CNTNAP2: variants seen among roughly 807,000 people sequenced by gnomAD.
CNTNAP2 encodes contactin-associated protein-like 2.
CNTNAP2 carries 98 observed loss-of-function variants against 155.2 expected under a neutral mutation model. The ratio of observed to expected loss-of-function variants is 0.63; its 90% CI spans 0.54 to 0.75. The LOEUF (loss-of-function observed/expected upper bound fraction) is 0.75, where lower values mean the gene tolerates loss of function less well. CNTNAP2 is among the 30% of genes least tolerant of loss of function. CNTNAP2 has a pLI of 0.00. For missense variants in CNTNAP2, 1,727 were observed against 1,688.1 expected (o/e 1.02, Z -0.40); for synonymous variants, 651 against 631.2 (o/e 1.03, Z -0.47).
At chr7:146,917,124 G>T (rs1796409557) in intron 3 of CNTNAP2, among the ~76,000 whole-genome samples, 1 of 152,078 alleles carries the variant, frequency 6.6e-6, no homozygotes, top group Non-Finnish European at 1.5e-5. Context: ...TACTTGCATG[G>T]TTTTGAGAGT....
intron 15 of CNTNAP2, among the ~76,000 whole-genome samples, chr7:148,067,558 A>T (rs193255794): frequency 6.6e-6 from 1 of 152,154 alleles, no homozygotes; most frequent in African/African-American, 2.4e-5. Flanking sequence ...TGTTTAGTGC[A>T]TGGGTTTTCT....
At chr7:146,960,151 T>C (rs983297984) in intron 3 of CNTNAP2, among the ~76,000 whole-genome samples, 7 of 152,162 alleles carry the variant, frequency 4.6e-5, no homozygotes, top group Non-Finnish European at 1.0e-4. Flanking sequence ...TTCTCCTAAC[T>C]TATGCCATCC....
intron 1 of CNTNAP2, among the ~76,000 whole-genome samples, chr7:146,532,984 C>T (rs1797791911): frequency 1.3e-5 from 2 of 151,294 alleles, no homozygotes; most frequent in Non-Finnish European, 3.0e-5. Flanking sequence ...TGCCTGTAAT[C>T]CCAGCTACTC....
intron 13 of CNTNAP2, among the ~76,000 whole-genome samples, chr7:147,709,208 A>G (rs1267689127): frequency 2.0e-5 from 3 of 152,162 alleles, no homozygotes; most frequent in African/African-American, 4.8e-5. Context: ...GGTCATCAAC[A>G]TCCCCTACAG....
intron 11 of CNTNAP2, among the ~76,000 whole-genome samples, chr7:147,538,478 C>T (rs1164353036): frequency 2.0e-5 from 3 of 151,886 alleles, no homozygotes; most frequent in African/African-American, 7.3e-5. Flanking sequence ...ATAGTGAGAC[C>T]CCCTTCTACA....
At chr7:146,843,695 A>G (rs1803788383) in intron 3 of CNTNAP2, among the ~76,000 whole-genome samples, 1 of 151,882 alleles carries the variant, frequency 6.6e-6, no homozygotes. Context: ...GCTACGTCTT[A>G]TCATTCATTA....
rs556051178 is a variant in CNTNAP2, at chr7:147,288,962, T to C, written c.1349-11179T>C. Reference sequence around the variant, plus strand: ...TACATACATGACAAAATAATAATGATAAAAGCTGCTACTGTCTCTCAATAG... The same window carrying C: ...TACATACATGACAAAATAATAATGACAAAAGCTGCTACTGTCTCTCAATAG... On this transcript the variant is annotated intron_variant, in intron 8 of 23. Transcript: ENST00000361727. Among the ~76,000 whole-genome samples the C allele has an allele frequency of 2.0e-5, 3 of 152,264 alleles. No individual in the cohort carries two copies. The South Asian group carries it at 6.2e-4, about 32-fold the overall frequency.
chr7:147,499,358 G>A (rs999420505), intron 11 of CNTNAP2, among the ~76,000 whole-genome samples: 16 of 151,810 alleles, frequency 1.1e-4, no homozygotes, highest in Admixed American at 6.6e-4. Flanking sequence ...GTGAAACCCC[G>A]TCTCTACTAA....
At chr7:148,406,652 CTAAA>C (rs1299541849) in intron 22 of CNTNAP2, among the ~76,000 whole-genome samples, 2 of 152,184 alleles carry the variant, frequency 1.3e-5, no homozygotes, top group Non-Finnish European at 2.9e-5. Context: ...AGGATATGGA[CTAAA>C]TAGTGTCCAG....
chr7:146,272,045 A>T (rs1800090701), intron 1 of CNTNAP2, among the ~76,000 whole-genome samples: 1 of 152,196 alleles, frequency 6.6e-6, no homozygotes, highest in Non-Finnish European at 1.5e-5. Context: ...ACTGTGTATT[A>T]GTCCATTTTT....
intron 11 of CNTNAP2, among the ~76,000 whole-genome samples, chr7:147,509,887 A>G (rs1004589645): frequency 6.6e-6 from 1 of 152,114 alleles, no homozygotes; most frequent in African/African-American, 2.4e-5. Flanking sequence ...AGTTTTAGTT[A>G]CTGAACTTCG....
intron 22 of CNTNAP2, among the ~76,000 whole-genome samples, chr7:148,405,923 C>T (rs571085068): frequency 3.9e-5 from 6 of 151,950 alleles, no homozygotes; most frequent in Admixed American, 2.0e-4. Context: ...TAATATATTT[C>T]GAAGGTACAT....
At chr7:146,913,481 T>C (rs1366017309) in intron 3 of CNTNAP2, among the ~76,000 whole-genome samples, 1 of 152,166 alleles carries the variant, frequency 6.6e-6, no homozygotes, top group Non-Finnish European at 1.5e-5. Flanking sequence ...ATGAGAGTAA[T>C]TTATTTCTCA....
At chr7:146,956,410 C>T (rs1202720821) in intron 3 of CNTNAP2, among the ~76,000 whole-genome samples, 1 of 152,114 alleles carries the variant, frequency 6.6e-6, no homozygotes, top group Non-Finnish European at 1.5e-5. Flanking sequence ...TTGAAGTTTC[C>T]TCTTGAATCT....
chr7:146,721,616 ATATT>A (rs1299547887), intron 1 of CNTNAP2, among the ~76,000 whole-genome samples: 17 of 107,526 alleles, frequency 1.6e-4, no homozygotes, highest in Admixed American at 5.6e-4. Context: ...TTCTATATAT[ATATT>A]CTATATACAT....
chr7:146,995,610 C>T (rs1398348086), intron 3 of CNTNAP2, among the ~76,000 whole-genome samples: 1 of 151,874 alleles, frequency 6.6e-6, no homozygotes, highest in East Asian at 1.9e-4. Context: ...TTTTATATGC[C>T]TGTTAGTCCT....
chr7:147,876,264 T>G (rs1799417543), intron 13 of CNTNAP2, among the ~76,000 whole-genome samples: 1 of 152,198 alleles, frequency 6.6e-6, no homozygotes, highest in African/African-American at 2.4e-5. Flanking sequence ...CTTACTGACA[T>G]GTATTGGGCT....
intron 16 of CNTNAP2, among the ~76,000 whole-genome samples, chr7:148,123,637 A>T (rs774556972): frequency 3.6e-5 from 1 of 27,658 alleles, no homozygotes; most frequent in Non-Finnish European, 8.0e-5. Flanking sequence ...GGAGAGCAGG[A>T]AGGAAGGAAG....
chr7:146,817,443 G>A (rs919041012), intron 2 of CNTNAP2, among the ~76,000 whole-genome samples: 1 of 151,340 alleles, frequency 6.6e-6, no homozygotes, highest in Admixed American at 6.6e-5. Context: ...CTGCACTCCA[G>A]CTTGGGCAAC....
Sources: allele counts gnomAD v4.1 joint callset (sites outside exome capture counted in the v4.1 genomes callset), GRCh38; gene constraint gnomAD v4.1.1; transcripts MANE v1.5; gene names NCBI Gene and HGNC (gene_info 2026-07-23, HGNC 2026-07-21).